The following FGF13 variants were observed in gnomAD, a reference collection of about 807,000 sequenced individuals.
The protein encoded by FGF13 is fibroblast growth factor 13.
Under a neutral mutation model 19.5 loss-of-function variants are expected in FGF13, and 2 were observed. The observed-to-expected ratio is 0.10, with a 90% CI of 0.04 to 0.32. The LOEUF is 0.32. FGF13 is among the 10% of genes least tolerant of loss of function. FGF13 has a pLI of 1.00. For synonymous variants in FGF13, 72 were observed against 76.9 expected (o/e 0.94, Z 0.33); for missense variants, 113 against 192.7 (o/e 0.59, Z 2.45).
At chrX:138,728,559 A>G (rs925292175) in intron 1 of FGF13, among the ~76,000 whole-genome samples, 2 of 111,015 alleles carry the variant, frequency 1.8e-5, no homozygotes, top group Non-Finnish European at 3.8e-5. Flanking sequence ...AATTTCAGAA[A>G]GTATGAGTTA....
chrX:138,633,186 A>T (rs1039014748), intron 4 of FGF13, among the ~76,000 whole-genome samples, 200 bp from the exon 5 acceptor site: 15 of 111,754 alleles, frequency 1.3e-4, no homozygotes, highest in Admixed American at 3.8e-4. Flanking sequence ...ATAAATATAT[A>T]CAATTTTTGT....
intron 1 of FGF13, among the ~76,000 whole-genome samples, chrX:138,996,188 G>A (rs185276426): frequency 3.6e-5 from 4 of 112,316 alleles, no homozygotes; most frequent in African/African-American, 1.3e-4. Context: ...TTGGACAGTG[G>A]GCGCAACCCA....
At chrX:138,828,855 G>A (rs919365057) in intron 3 of FGF13, among the ~76,000 whole-genome samples, 1 of 110,688 alleles carries the variant, frequency 9.0e-6, no homozygotes, top group Non-Finnish European at 1.9e-5. Flanking sequence ...CACCTACTAC[G>A]TGCCAGGAAA....
chrX:139,083,297 T>C (rs1442740725), intron 1 of FGF13, among the ~76,000 whole-genome samples: 1 of 111,788 alleles, frequency 8.9e-6, no homozygotes, highest in African/African-American at 3.3e-5. Flanking sequence ...CATTATCTCA[T>C]TTGACTCTTC....
chrX:138,913,719 A>G (rs2091604123), intron 1 of FGF13, among the ~76,000 whole-genome samples: 1 of 108,849 alleles, frequency 9.2e-6, no homozygotes, highest in Non-Finnish European at 1.9e-5. Context: ...GAAAACTATC[A>G]GGGCGAACAA....
intron 3 of FGF13, chrX:138,806,239 A>G (rs1393715105): frequency 8.9e-6 from 1 of 111,919 alleles, no homozygotes; most frequent in African/African-American, 3.3e-5. Context: ...AGAAGCAGCC[A>G]ACAATTCTGA....
intron 1 of FGF13, among the ~76,000 whole-genome samples, chrX:139,154,106 C>CA (rs1307231361): frequency 1.8e-5 from 2 of 111,607 alleles, no homozygotes; most frequent in African/African-American, 6.5e-5. Flanking sequence ...AGACCAAACA[C>CA]AAAAAAGTCT....
intron 1 of FGF13, among the ~76,000 whole-genome samples, chrX:139,115,112 A>G (rs2083629893): frequency 9.0e-6 from 1 of 111,598 alleles, no homozygotes; most frequent in Non-Finnish European, 1.9e-5. Flanking sequence ...TCTCACAGCC[A>G]TCTTAAAATT....
At chrX:138,773,419 A>C (rs2090563689) in intron 3 of FGF13, among the ~76,000 whole-genome samples, 1 of 112,225 alleles carries the variant, frequency 8.9e-6, no homozygotes, top group African/African-American at 3.2e-5. Context: ...ATCAAGTCAC[A>C]GGGAGTGCAA....
intron 3 of FGF13, among the ~76,000 whole-genome samples, chrX:138,768,719 G>A (rs1300857424): frequency 1.8e-4 from 17 of 94,199 alleles, no homozygotes; most frequent in African/African-American, 7.7e-4. Context: ...ATATATATAA[G>A]TATATATTAT....
intron 1 of FGF13, among the ~76,000 whole-genome samples, chrX:139,088,706 C>T (rs1035432851): frequency 4.5e-5 from 5 of 111,660 alleles, no homozygotes; most frequent in Admixed American, 2.9e-4. Context: ...TGATTTTCCA[C>T]ATTTTTTTTT....
chrX:139,183,149 T>G (rs1266328178), intron 1 of FGF13, among the ~76,000 whole-genome samples: 1 of 112,291 alleles, frequency 8.9e-6, no homozygotes, highest in East Asian at 2.8e-4. Context: ...CTGCTCTGTC[T>G]ACTTGCACAC....
chrX:138,980,859 C>G (rs183725425), intron 1 of FGF13, among the ~76,000 whole-genome samples: 62 of 110,573 alleles, frequency 5.6e-4, no homozygotes, highest in Middle Eastern at 4.7e-3. Flanking sequence ...TGAAAGTGAA[C>G]AAAAAAGTCA....
At chrX:138,667,568 A>G (rs1307482162) in intron 3 of FGF13, 2 of 314,159 alleles carry the variant, frequency 6.4e-6, no homozygotes, top group African/African-American at 5.4e-5. Flanking sequence ...ATAACTACTA[A>G]AGAGACTTAT....
At chrX:139,161,709 A>G (rs1317820766) in intron 1 of FGF13, among the ~76,000 whole-genome samples, 1 of 112,178 alleles carries the variant, frequency 8.9e-6, no homozygotes, top group African/African-American at 3.2e-5. Flanking sequence ...AAGTCTCAGG[A>G]TACAAAATCA....
At chrX:138,724,549 T>A (rs1241097200) in intron 1 of FGF13, among the ~76,000 whole-genome samples, 4 of 111,342 alleles carry the variant, frequency 3.6e-5, no homozygotes, top group African/African-American at 1.3e-4. Context: ...AAGGCTGGGG[T>A]TAGTCAAAGG....
intron 1 of FGF13, among the ~76,000 whole-genome samples, chrX:138,995,386 G>A (rs1345608071): frequency 2.7e-5 from 3 of 111,065 alleles, no homozygotes; most frequent in Non-Finnish European, 3.8e-5. Flanking sequence ...GTGTCACAGG[G>A]GTTTGTTGTA....
At chrX:139,013,663 A>G (rs945441424) in intron 1 of FGF13, among the ~76,000 whole-genome samples, 1 of 107,611 alleles carries the variant, frequency 9.3e-6, no homozygotes, top group Admixed American at 1.0e-4. Flanking sequence ...ATTCTCACTC[A>G]TATGTGGGAG....
At position 138,622,773 on chromosome X, in the gene FGF13, T is replaced by C. The variant is rs778774297; in HGVS notation, c.*10077A>G. 6 of 111,940 alleles carry C rather than the reference T, an allele frequency of 5.4e-5. No homozygotes were observed. The highest frequency in any genetic ancestry group is 9.5e-5 in the Admixed American group (1 of 10,573). 9.2% of individuals were successfully genotyped at this position (111,940 alleles called of 1,213,427 possible). A position where few individuals can be genotyped will look rare whatever the true frequency, so the allele number is the denominator to read the frequency against. On this transcript the variant is annotated 3_prime_UTR_variant, in exon 5 of 5. Coordinates refer to ENST00000315930, the MANE Select transcript of FGF13 (RefSeq NM_004114.5). The stretch of plus-strand genomic sequence containing the variant: ...AGTTGTAAAGATTTTTGGGGACTTA[T>C]GTGGTGCCATATGAATTTTAGAATT...
Sources: gnomAD v4.1 joint callset for allele counts (sites outside exome capture counted in the v4.1 genomes callset) on GRCh38, gnomAD v4.1.1 for gene constraint, MANE v1.5 for transcripts, NCBI Gene and HGNC (gene_info 2026-07-23, HGNC 2026-07-21) for gene names.